The following RAD51B variants were observed in gnomAD, a reference collection of about 807,000 sequenced individuals.
RAD51B encodes DNA repair protein RAD51 homolog 2.
RAD51B carries 38 observed loss-of-function variants against 42.2 expected under a neutral mutation model. The observed-to-expected ratio is 0.90, with a 90% CI of 0.70 to 1.18. The LOEUF (loss-of-function observed/expected upper bound fraction) is 1.18. RAD51B is among the 50% of genes most tolerant of loss of function. The probability of loss-of-function intolerance (pLI) is 0.00; values close to 1 mark genes in which losing one functional copy is unlikely to be tolerated. For missense variants in RAD51B, 373 were observed against 400.7 expected, an observed-to-expected ratio of 0.93 and a Z score of 0.59; for synonymous variants, 154 against 145.2, an observed-to-expected ratio of 1.06 and a Z score of -0.43.
At chr14:68,422,291 G>A (rs1017153781) in intron 9 of RAD51B, 47 of 665,826 alleles carry the variant, frequency 7.1e-5, no homozygotes, top group African/African-American at 2.2e-4. Context: ...GGTTGGGTGC[G>A]GCAGCTCACG....
At chr14:68,676,662 C>A (rs920525748) in intron 11 of RAD51B, among the ~76,000 whole-genome samples, 2 of 152,234 alleles carry the variant, frequency 1.3e-5, no homozygotes, top group Non-Finnish European at 2.9e-5. Flanking sequence ...CCTGCACAGG[C>A]GCTTCTGGAG....
chr14:68,515,237 T>A lies in RAD51B; in HGVS notation c.1036+46987T>A, dbSNP rs1248395222. On this transcript the variant is annotated intron_variant, in intron 10 of 10. Coordinates refer to the RAD51B transcript ENST00000487270. ...CAAATCATACAAAGGTTATGGGGAGTGTTAAAACTCATAAGGGAGTCTCCA... is the reference window on the plus strand; with the variant it reads ...CAAATCATACAAAGGTTATGGGGAGAGTTAAAACTCATAAGGGAGTCTCCA... 2.6e-5 allele frequency among the ~76,000 whole-genome samples: 4 copies of A among 151,982 alleles called. No homozygotes were observed. In the East Asian group the frequency reaches 7.7e-4, roughly 29 times the overall value.
At chr14:68,334,630 G>A (rs1162760867) in intron 8 of RAD51B, among the ~76,000 whole-genome samples, 1 of 152,018 alleles carries the variant, frequency 6.6e-6, no homozygotes, top group Non-Finnish European at 1.5e-5. Context: ...TATGCATATA[G>A]GCCACATTTT....
At chr14:68,644,178 T>C (rs1338700076) in intron 10 of RAD51B, among the ~76,000 whole-genome samples, 1 of 152,232 alleles carries the variant, frequency 6.6e-6, no homozygotes, top group African/African-American at 2.4e-5. Context: ...ATCTAATTCA[T>C]ACAATGAGCA....
intron 7 of RAD51B, among the ~76,000 whole-genome samples, chr14:68,253,119 G>C: frequency 6.6e-6 from 1 of 151,638 alleles, no homozygotes; most frequent in Middle Eastern, 3.2e-3. Flanking sequence ...TGTAAATTTG[G>C]TCAAATTCTC....
intron 10 of RAD51B, among the ~76,000 whole-genome samples, chr14:68,591,703 A>C (rs556430729): frequency 6.6e-6 from 1 of 152,110 alleles, no homozygotes; most frequent in African/African-American, 2.4e-5. Context: ...AACCAGCTGC[A>C]ACAAGGATCT....
At chr14:68,594,957 C>T in exon 11 of RAD51B, 2 of 1,079,786 alleles carry the variant, frequency 1.9e-6, no homozygotes, top group Non-Finnish European at 2.3e-6. Context: ...TGAACTAAGG[C>T]ACCCCGCCAC....
chr14:67,935,365 T>C (rs1334045676), intron 7 of RAD51B, among the ~76,000 whole-genome samples: 1 of 152,192 alleles, frequency 6.6e-6, no homozygotes, highest in Non-Finnish European at 1.5e-5. Flanking sequence ...AATACAACTC[T>C]TAAAAAAGTT....
intron 7 of RAD51B, among the ~76,000 whole-genome samples, chr14:68,179,860 T>C (rs1286586559): frequency 6.6e-6 from 1 of 152,184 alleles, no homozygotes; most frequent in Non-Finnish European, 1.5e-5. Flanking sequence ...TGGTATGCCT[T>C]ACATCACATG....
intron 7 of RAD51B, among the ~76,000 whole-genome samples, chr14:68,247,134 A>G (rs187205352): frequency 1.3e-5 from 2 of 152,282 alleles, no homozygotes; most frequent in East Asian, 3.9e-4. Context: ...AGTACTGTAT[A>G]TTGCCCTGTG....
At chr14:68,471,106 G>A (rs577975417) in intron 10 of RAD51B, among the ~76,000 whole-genome samples, 5 of 152,250 alleles carry the variant, frequency 3.3e-5, no homozygotes, top group African/African-American at 1.2e-4. Flanking sequence ...GGTGAGCCCC[G>A]AGTTGGTGTG....
intron 8 of RAD51B, among the ~76,000 whole-genome samples, chr14:68,299,255 T>C (rs1335672709): frequency 3.3e-5 from 5 of 152,040 alleles, no homozygotes; most frequent in African/African-American, 1.2e-4. Flanking sequence ...GTTTATTATC[T>C]CATTTAGTCC....
intron 7 of RAD51B, among the ~76,000 whole-genome samples, chr14:67,927,391 A>T (rs564114637): frequency 2.6e-5 from 4 of 152,236 alleles, no homozygotes; most frequent in Non-Finnish European, 5.9e-5. Context: ...TATTGTTACT[A>T]AGTGTAGTCA....
chr14:68,240,438 C>T (rs2080359033), intron 7 of RAD51B, among the ~76,000 whole-genome samples: 1 of 152,240 alleles, frequency 6.6e-6, no homozygotes, highest in African/African-American at 2.4e-5. Flanking sequence ...AGGTGCCTTA[C>T]TAATCAATTG....
At chr14:68,263,669 A>G (rs2080930588) in intron 7 of RAD51B, among the ~76,000 whole-genome samples, 1 of 152,236 alleles carries the variant, frequency 6.6e-6, no homozygotes, top group African/African-American at 2.4e-5. Flanking sequence ...GTAAAAATGA[A>G]TATGTCAGAC....
chr14:68,216,579 T>G (rs2079820226), intron 7 of RAD51B, among the ~76,000 whole-genome samples: 1 of 152,232 alleles, frequency 6.6e-6, no homozygotes, highest in African/African-American at 2.4e-5. Context: ...CTGAAAGATT[T>G]CCCAAATAAG....
chr14:68,082,717 T>A (rs1055525739), intron 7 of RAD51B, among the ~76,000 whole-genome samples: 5 of 152,146 alleles, frequency 3.3e-5, no homozygotes, highest in South Asian at 2.1e-4. Context: ...AATTTTTTTT[T>A]AACTAGGTCC....
At chr14:68,476,934 T>C (rs1882669999) in intron 10 of RAD51B, among the ~76,000 whole-genome samples, 1 of 152,178 alleles carries the variant, frequency 6.6e-6, no homozygotes, top group African/African-American at 2.4e-5. Context: ...TGGCCTTCCA[T>C]GTCCAGATGT....
chr14:68,092,324 T>C (rs1215712504), intron 7 of RAD51B, among the ~76,000 whole-genome samples: 3 of 152,200 alleles, frequency 2.0e-5, no homozygotes, highest in African/African-American at 7.2e-5. Context: ...AGTCTTCCTA[T>C]CCATCAGCAT....
Sources: allele counts gnomAD v4.1 joint callset (sites outside exome capture counted in the v4.1 genomes callset), GRCh38; gene constraint gnomAD v4.1.1; transcripts MANE v1.5; gene names NCBI Gene and HGNC (gene_info 2026-07-23, HGNC 2026-07-21).